Variants in TET2 observed in about 807,000 individuals in gnomAD.
The protein encoded by TET2 is tet methylcytosine dioxygenase 2, also known as methylcytosine dioxygenase TET2.
A neutral mutation model predicts 142.9 loss-of-function variants in TET2; 299 were observed. That is an observed-to-expected ratio of 2.09 (90% CI 1.90 to 2.30). The LOEUF (loss-of-function observed/expected upper bound fraction) is 2.30. Ranked by LOEUF, TET2 falls within the 30% of genes most tolerant of loss-of-function variation. The probability of loss-of-function intolerance (pLI) is 0.00; values close to 1 mark genes in which losing one functional copy is unlikely to be tolerated. For missense variants in TET2, 2,418 were observed against 2,378.0 expected (o/e 1.02, Z -0.35); for synonymous variants, 819 against 849.0 (o/e 0.96, Z 0.61).
At chr4:105,198,748 A>G (rs1372695823) in intron 2 of TET2, among the ~76,000 whole-genome samples, 1 of 152,196 alleles carries the variant, frequency 6.6e-6, no homozygotes, top group Non-Finnish European at 1.5e-5. Flanking sequence ...TAAGAGGACT[A>G]GTCTAGCACC....
chr4:105,219,259 A>G (rs1046707413), intron 2 of TET2, among the ~76,000 whole-genome samples: 7 of 152,116 alleles, frequency 4.6e-5, no homozygotes, highest in Non-Finnish European at 1.0e-4. Flanking sequence ...TAACTAAAAC[A>G]TGATCATTGC....
chr4:105,220,711 C>T (rs987682706), intron 2 of TET2, among the ~76,000 whole-genome samples: 2 of 152,118 alleles, frequency 1.3e-5, no homozygotes, highest in Admixed American at 6.6e-5. Context: ...GGCAGGCATC[C>T]GAATACTGGC....
chr4:105,205,389 T>G (rs1726755383), intron 2 of TET2, among the ~76,000 whole-genome samples: 1 of 152,214 alleles, frequency 6.6e-6, no homozygotes, highest in African/African-American at 2.4e-5. Flanking sequence ...AAAATTTTCT[T>G]TGTCAGGATA....
At chr4:105,255,784 C>A (rs184731136) in intron 6 of TET2, among the ~76,000 whole-genome samples, 2 of 151,828 alleles carry the variant, frequency 1.3e-5, no homozygotes, top group South Asian at 2.1e-4. Context: ...TTTAATTTTT[C>A]AATTTATATA....
intron 1 of TET2, among the ~76,000 whole-genome samples, chr4:105,186,110 G>T (rs2110467872): frequency 6.6e-6 from 1 of 152,154 alleles, no homozygotes; most frequent in African/African-American, 2.4e-5. Context: ...CATGCCTGTA[G>T]TCCTAGCCAC....
chr4:105,155,598 GACATTCT>G (rs1723527014), intron 1 of TET2, among the ~76,000 whole-genome samples: 1 of 152,182 alleles, frequency 6.6e-6, no homozygotes, highest in Non-Finnish European at 1.5e-5. Context: ...CTAGATACCA[GACATTCT>G]TGTTGTGCAA....
Position 105,233,909 on chromosome 4 carries a change from G to A in TET2, c.-34G>A, listed in dbSNP as rs762224280. 4 of 1,573,326 alleles carry A rather than the reference G, an allele frequency of 2.5e-6. No homozygotes were observed. Among genetic ancestry groups the A allele is most frequent in the Non-Finnish European group, 3.4e-6 (4 of 1,161,700 alleles). On this transcript the variant is annotated 5_prime_UTR_variant, in exon 3 of 11. Coordinates refer to ENST00000380013, the MANE Select transcript of TET2 (RefSeq NM_001127208.3). Reference sequence around the variant, plus strand: ...CCATGCTCTTTAGAATTCAACTAGAGGGCAGCCTTGTGGATGGCCCCGAAG... The same window carrying A: ...CCATGCTCTTTAGAATTCAACTAGAAGGCAGCCTTGTGGATGGCCCCGAAG...
chr4:105,272,470 A>G, intron 9 of TET2, 94 bp from the exon 10 acceptor site: 1 of 851,864 alleles, frequency 1.2e-6, no homozygotes, highest in South Asian at 1.9e-5. Context: ...CCACCAACAC[A>G]AATCTGAATA....
chr4:105,208,674 A>G (rs983857814), intron 2 of TET2, among the ~76,000 whole-genome samples: 2 of 152,122 alleles, frequency 1.3e-5, no homozygotes, highest in East Asian at 1.9e-4. Flanking sequence ...GAAGAAGAGT[A>G]AAATAGGAGT....
At chr4:105,217,268 A>T (rs1195922442) in intron 2 of TET2, among the ~76,000 whole-genome samples, 1 of 152,062 alleles carries the variant, frequency 6.6e-6, no homozygotes, top group Non-Finnish European at 1.5e-5. Flanking sequence ...TTAGAACAGC[A>T]ATATAACTGG....
intron 2 of TET2, among the ~76,000 whole-genome samples, chr4:105,205,685 G>T (rs949868999): frequency 6.6e-6 from 1 of 151,990 alleles, no homozygotes; most frequent in East Asian, 1.9e-4. Context: ...AGGCTGGAGT[G>T]CAATGGCAGG....
At chr4:105,265,079 A>T (rs1397131569) in intron 8 of TET2, among the ~76,000 whole-genome samples, 1 of 152,204 alleles carries the variant, frequency 6.6e-6, no homozygotes, top group Non-Finnish European at 1.5e-5. Flanking sequence ...CTTACAATTT[A>T]ACAGTAGACC....
In TET2 at chr4:105,275,336, TG is replaced by T; in HGVS notation, c.4827del (p.Asn1610IlefsTer6). On this transcript the variant is annotated frameshift_variant, in exon 11 of 11. Transcript: ENST00000380013. LOFTEE classifies it low-confidence loss of function (END_TRUNC). ...TCATCTCAAGCTGCAGGTTCATATT[TG>T]AATTCTTCTAATCCCATGAACCCTT... ...STSSQAAGSY[L>X]NSSNPMNPYP... is the part of the protein sequence containing the mutation. The T allele has an allele frequency of 6.4e-7, 1 of 1,551,852 alleles. No individual in the cohort carries two copies. The highest frequency in any genetic ancestry group is 8.7e-7 in the Non-Finnish European group (1 of 1,147,010).
chr4:105,199,263 A>C (rs1312521858), intron 2 of TET2, among the ~76,000 whole-genome samples: 1 of 152,214 alleles, frequency 6.6e-6, no homozygotes, highest in East Asian at 1.9e-4. Flanking sequence ...TGGATACTGC[A>C]CATCTATTAA....
At position 105,237,318 on chromosome 4, in the gene TET2, A is replaced by T; in HGVS notation, c.3376A>T (p.Thr1126Ser). 1 of 1,614,126 alleles carries T rather than the reference A, an allele frequency of 6.2e-7. No individual in the cohort carries two copies. The highest frequency in any genetic ancestry group is 8.5e-7 in the Non-Finnish European group (1 of 1,179,992). ...IKNLLDTPVK[T>S]QYDFPSCRCV... ...AAATTTATTGGATACACCTGTCAAG[A>T]CTCAATATGATTTCCCATCTTGCAG... The change falls in exon 3 of 11, where the codon ACT becomes TCT. Residue 1126 changes from threonine to serine, a missense_variant. Coordinates refer to ENST00000380013, the MANE Select transcript of TET2 (RefSeq NM_001127208.3).
intron 1 of TET2, among the ~76,000 whole-genome samples, chr4:105,154,263 GA>G: frequency 6.6e-6 from 1 of 152,200 alleles, no homozygotes; most frequent in Non-Finnish European, 1.5e-5. Flanking sequence ...GCTTTAAAAG[GA>G]TGAATTTATT....
At chr4:105,213,746 T>G (rs1206969059) in intron 2 of TET2, among the ~76,000 whole-genome samples, 1 of 152,200 alleles carries the variant, frequency 6.6e-6, no homozygotes, top group East Asian at 1.9e-4. Flanking sequence ...ATTTTAACTC[T>G]ATGATCTGCT....
intron 2 of TET2, among the ~76,000 whole-genome samples, chr4:105,233,444 G>T (rs959853109): frequency 6.8e-6 from 1 of 146,854 alleles, no homozygotes; most frequent in African/African-American, 2.5e-5. Context: ...ATAAAGAGAA[G>T]ATCTGAGCTA....
intron 8 of TET2, among the ~76,000 whole-genome samples, chr4:105,263,776 G>A (rs1730556116): frequency 6.6e-6 from 1 of 152,098 alleles, no homozygotes; most frequent in Non-Finnish European, 1.5e-5. Flanking sequence ...ATGGGATTCT[G>A]GAGCCATCAA....
Sources: allele counts gnomAD v4.1 joint callset (sites outside exome capture counted in the v4.1 genomes callset), GRCh38; gene constraint gnomAD v4.1.1; transcripts MANE v1.5; gene names NCBI Gene and HGNC (gene_info 2026-07-23, HGNC 2026-07-21).